Variants in EBF2 observed in about 807,000 individuals in gnomAD.
The protein encoded by EBF2 is transcription factor COE2.
EBF2 carries 21 observed loss-of-function variants against 72.8 expected under a neutral mutation model. That is an observed-to-expected ratio of 0.29 (90% confidence interval 0.20 to 0.42). The LOEUF (loss-of-function observed/expected upper bound fraction) is 0.42. Ranked by LOEUF, EBF2 falls within the 10% of genes least tolerant of loss-of-function variation. The pLI is 1.00. For missense variants in EBF2, 637 were observed against 731.2 expected (o/e 0.87, Z 1.49); for synonymous variants, 299 against 274.2 (o/e 1.09, Z -0.89).
chr8:26,018,907 G>C (rs143950025), intron 6 of EBF2, among the ~76,000 whole-genome samples: 77 of 139,406 alleles, frequency 5.5e-4, no homozygotes, highest in African/African-American at 2.0e-3. Flanking sequence ...GTATTCACTG[G>C]ACCATCAGTG....
At chr8:25,855,369 C>T (rs1203268112) in intron 14 of EBF2, among the ~76,000 whole-genome samples, 1 of 152,104 alleles carries the variant, frequency 6.6e-6, no homozygotes, top group Non-Finnish European at 1.5e-5. Context: ...ACTGCTACTG[C>T]CAGGAAGTGA....
At chr8:26,005,796 A>T (rs1364417585) in intron 6 of EBF2, among the ~76,000 whole-genome samples, 1 of 146,242 alleles carries the variant, frequency 6.8e-6, no homozygotes, top group Non-Finnish European at 1.5e-5. Context: ...GCACCACTGC[A>T]CTCCAGCATG....
At chr8:25,899,102 C>T (rs1802904846) in intron 7 of EBF2, among the ~76,000 whole-genome samples, 1 of 152,070 alleles carries the variant, frequency 6.6e-6, no homozygotes, top group African/African-American at 2.4e-5. Flanking sequence ...GATTCTTGTC[C>T]CCATTCAAGA....
chr8:25,911,864 ACTGGTGGGAAATAGGACATC>A (rs764759826), intron 6 of EBF2, among the ~76,000 whole-genome samples: 3 of 152,190 alleles, frequency 2.0e-5, no homozygotes, highest in Non-Finnish European at 4.4e-5. Context: ...GGGACAGCTG[ACTGGTGGGAAATAGGACATC>A]CAGGGTGACG....
chr8:26,033,286 A>G lies in EBF2; in HGVS notation c.483-133T>C, dbSNP rs548701818. 2.9e-4 allele frequency: 235 copies of G among 802,300 alleles called. No homozygotes were observed. The African/African-American group carries it at 3.5e-3, about 12-fold the overall frequency. 49.7% of individuals were successfully genotyped at this position (802,300 alleles called of 1,614,324 possible). ...CACCAGGCTGTAGTACAATGGCTTGATGCCTCCTTCTTGGCTCACCACAAC... is the reference window on the plus strand; with the variant it reads ...CACCAGGCTGTAGTACAATGGCTTGGTGCCTCCTTCTTGGCTCACCACAAC... On this transcript the variant is annotated intron_variant, in intron 5 of 15. Coordinates refer to ENST00000520164, the MANE Select transcript of EBF2 (RefSeq NM_022659.4).
chr8:26,024,972 A>G (rs1360178598), intron 6 of EBF2, among the ~76,000 whole-genome samples: 1 of 152,188 alleles, frequency 6.6e-6, no homozygotes, highest in Non-Finnish European at 1.5e-5. Context: ...ATAAATAAAT[A>G]ATGCCCATAC....
chr8:26,030,263 C>A (rs1805376137), intron 6 of EBF2, among the ~76,000 whole-genome samples: 1 of 152,184 alleles, frequency 6.6e-6, no homozygotes, highest in African/African-American at 2.4e-5. Flanking sequence ...TCCATGTGTT[C>A]TCATTGTTCA....
intron 6 of EBF2, among the ~76,000 whole-genome samples, chr8:25,977,508 G>A (rs763397209): frequency 1.1e-4 from 16 of 152,170 alleles, no homozygotes; most frequent in African/African-American, 3.4e-4. Flanking sequence ...CTTCTCTCTC[G>A]CCCCCAGCTA....
chr8:25,984,929 A>T (rs1397402145), intron 6 of EBF2, among the ~76,000 whole-genome samples: 1 of 74,006 alleles, frequency 1.4e-5, no homozygotes, highest in East Asian at 2.6e-4. Flanking sequence ...TTAAAAACTC[A>T]GCTTCTGAAA....
chr8:25,970,035 G>A (rs567008407), intron 6 of EBF2, among the ~76,000 whole-genome samples: 1 of 152,258 alleles, frequency 6.6e-6, no homozygotes, highest in South Asian at 2.1e-4. Context: ...AAGAGGAAAG[G>A]GCCACCCAGA....
At chr8:26,032,362 A>G (rs1444613130) in intron 6 of EBF2, 1 of 152,218 alleles carries the variant, frequency 6.6e-6, no homozygotes, top group Non-Finnish European at 1.5e-5. Context: ...TGAAAACCCA[A>G]AGAAAGAAGC....
intron 10 of EBF2, among the ~76,000 whole-genome samples, chr8:25,873,743 G>C (rs528091517): frequency 9.9e-5 from 15 of 152,258 alleles, no homozygotes; most frequent in African/African-American, 3.6e-4. Context: ...TAATATACAT[G>C]GTTAAGGAGA....
chr8:25,913,679 A>C (rs1019634173), intron 6 of EBF2, among the ~76,000 whole-genome samples: 3 of 152,178 alleles, frequency 2.0e-5, no homozygotes, highest in African/African-American at 7.2e-5. Flanking sequence ...GGCTCTCCAA[A>C]GACCAAGAGA....
intron 10 of EBF2, among the ~76,000 whole-genome samples, chr8:25,875,959 C>T (rs1298746725): frequency 2.6e-5 from 4 of 152,054 alleles, no homozygotes; most frequent in African/African-American, 4.8e-5. Flanking sequence ...GATACATGCA[C>T]GCGTATGTTT....
intron 6 of EBF2, among the ~76,000 whole-genome samples, chr8:26,026,899 T>G (rs529320654): frequency 1.3e-5 from 2 of 152,358 alleles, no homozygotes; most frequent in East Asian, 3.9e-4. Flanking sequence ...GAGACTTTTA[T>G]CAACCATTGA....
chr8:26,005,043 A>G (rs1186942963), intron 6 of EBF2, among the ~76,000 whole-genome samples: 1 of 150,346 alleles, frequency 6.7e-6, no homozygotes, highest in Non-Finnish European at 1.5e-5. Context: ...ATTGAGGTAC[A>G]AAGGGAAGAA....
chr8:25,888,693 A>G (rs1802731080), intron 8 of EBF2, among the ~76,000 whole-genome samples: 1 of 152,190 alleles, frequency 6.6e-6, no homozygotes. Context: ...CACTTCTTCC[A>G]TATGCTCCAG....
At chr8:25,963,254 C>T (rs975492898) in intron 6 of EBF2, among the ~76,000 whole-genome samples, 3 of 152,162 alleles carry the variant, frequency 2.0e-5, no homozygotes, top group Non-Finnish European at 4.4e-5. Flanking sequence ...TTGATAATGG[C>T]CAACTTCTAG....
intron 6 of EBF2, among the ~76,000 whole-genome samples, chr8:25,970,082 TA>T (rs1449451264): frequency 6.6e-6 from 1 of 152,194 alleles, no homozygotes; most frequent in East Asian, 1.9e-4. Context: ...GCAGTCTCTC[TA>T]TGTCGTTCCC....
Sources: gnomAD v4.1 joint callset for allele counts (sites outside exome capture counted in the v4.1 genomes callset) on GRCh38, gnomAD v4.1.1 for gene constraint, MANE v1.5 for transcripts, NCBI Gene and HGNC (gene_info 2026-07-23, HGNC 2026-07-21) for gene names.